Variants in DLG2 observed in about 807,000 individuals in gnomAD.
The protein encoded by DLG2 is disks large homolog 2.
Under a neutral mutation model 132.5 loss-of-function variants are expected in DLG2, and 45 were observed. The ratio of observed to expected loss-of-function variants is 0.34; its 90% CI spans 0.27 to 0.44. DLG2 has a LOEUF of 0.44. Among genes scored for constraint, DLG2 ranks in the 20% least tolerant of loss-of-function variants. The pLI is 1.00. For missense variants in DLG2, 1,045 were observed against 1,196.9 expected (o/e 0.87, Z 1.87); for synonymous variants, 424 against 419.6 (o/e 1.01, Z -0.13).
At position 84,795,952 on chromosome 11, in the gene DLG2, G is replaced by C. The variant is rs10466725; in HGVS notation, c.358-261221C>G. ...CAGCTGGTGTGCCTAGCTTTGCGCA[G>C]TGCCTGGACCCCATGCTCACTTGCT... On this transcript the variant is annotated intron_variant, in intron 6 of 27. Transcript: ENST00000376104. Among the ~76,000 whole-genome samples, 506 of 152,288 alleles carry C rather than the reference G, an allele frequency of 3.3e-3. 4 individuals carry two copies. Among genetic ancestry groups the C allele is most frequent in the African/African-American group, 0.012 (479 of 41,576 alleles).
intron 8 of DLG2, among the ~76,000 whole-genome samples, chr11:84,216,415 C>T (rs565857224): frequency 3.4e-4 from 51 of 152,102 alleles, no homozygotes; most frequent in Admixed American, 2.3e-3. Flanking sequence ...GGAGAGATCA[C>T]GGGGGGCAAA....
intron 8 of DLG2, among the ~76,000 whole-genome samples, chr11:84,230,656 A>T (rs2097079188): frequency 6.6e-6 from 1 of 152,192 alleles, no homozygotes; most frequent in Non-Finnish European, 1.5e-5. Flanking sequence ...GATCAACTCC[A>T]TATGGAAAGC....
chr11:83,902,337 T>G (rs540003607), intron 15 of DLG2, among the ~76,000 whole-genome samples: 2 of 152,200 alleles, frequency 1.3e-5, no homozygotes, highest in Admixed American at 6.5e-5. Context: ...GTTTAGAGGG[T>G]TCATTTGAAT....
intron 6 of DLG2, among the ~76,000 whole-genome samples, chr11:84,893,128 G>C (rs1601042979): frequency 6.6e-6 from 1 of 152,240 alleles, no homozygotes; most frequent in East Asian, 1.9e-4. Context: ...CTCTGGGCTG[G>C]AGCATCCGTT....
chr11:85,246,504 T>C (rs1263473019), intron 4 of DLG2, among the ~76,000 whole-genome samples: 4 of 151,796 alleles, frequency 2.6e-5, no homozygotes, highest in African/African-American at 9.7e-5. Flanking sequence ...CTGTGTTTAT[T>C]ACTGTCTCTC....
chr11:85,562,363 A>G (rs894123354), intron 3 of DLG2, among the ~76,000 whole-genome samples: 4 of 151,944 alleles, frequency 2.6e-5, no homozygotes, highest in African/African-American at 4.8e-5. Context: ...AGAGAAAATG[A>G]GAGAAGGGAA....
At chr11:84,845,689 T>A (rs2081375217) in intron 6 of DLG2, among the ~76,000 whole-genome samples, 2 of 151,430 alleles carry the variant, frequency 1.3e-5, no homozygotes, top group Non-Finnish European at 3.0e-5. Flanking sequence ...ACTCTTTTTT[T>A]TTTTTTTTTG....
At chr11:84,119,122 C>T (rs2093780180) in intron 9 of DLG2, among the ~76,000 whole-genome samples, 1 of 151,920 alleles carries the variant, frequency 6.6e-6, no homozygotes, top group South Asian at 2.1e-4. Flanking sequence ...GAAACATCTA[C>T]CATATGGCAA....
chr11:85,433,406 T>G (rs1242910014), intron 3 of DLG2, among the ~76,000 whole-genome samples: 1 of 152,178 alleles, frequency 6.6e-6, no homozygotes, highest in African/African-American at 2.4e-5. Flanking sequence ...CAGTGTTCTG[T>G]ATTCAAGAGA....
At chr11:84,747,656 T>A (rs1277829968) in intron 6 of DLG2, among the ~76,000 whole-genome samples, 1 of 152,230 alleles carries the variant, frequency 6.6e-6, no homozygotes, top group Non-Finnish European at 1.5e-5. Context: ...AGTTCATGTC[T>A]CACGAGCTGC....
At chr11:83,547,558 C>CTTAT (rs2096272704) in intron 19 of DLG2, among the ~76,000 whole-genome samples, 2 of 152,036 alleles carry the variant, frequency 1.3e-5, no homozygotes, top group South Asian at 4.1e-4. Context: ...AAATGGTGGC[C>CTTAT]TTTTACAAAC....
chr11:84,724,682 C>T (rs183789359), intron 6 of DLG2, among the ~76,000 whole-genome samples: 5 of 152,202 alleles, frequency 3.3e-5, no homozygotes, highest in East Asian at 3.9e-4. Context: ...AATGACAGGG[C>T]GAGATTAAGT....
chr11:85,215,206 GATGTT>G (rs2082502240), intron 4 of DLG2, among the ~76,000 whole-genome samples: 1 of 152,144 alleles, frequency 6.6e-6, no homozygotes. Flanking sequence ...GGAGGTGTTT[GATGTT>G]ATAAGTCCAT....
At chr11:85,434,406 T>TAAA (rs1020436408) in intron 3 of DLG2, among the ~76,000 whole-genome samples, 1 of 149,756 alleles carries the variant, frequency 6.7e-6, no homozygotes, top group African/African-American at 2.5e-5. Context: ...GAAAAAATTT[T>TAAA]AAAAAAAAAA....
At chr11:83,623,086 C>T (rs915841852) in intron 19 of DLG2, among the ~76,000 whole-genome samples, 1 of 151,996 alleles carries the variant, frequency 6.6e-6, no homozygotes, top group African/African-American at 2.4e-5. Context: ...TTTATGAGTC[C>T]GGGTGCTCCA....
chr11:84,084,335 C>T (rs1311938238), intron 10 of DLG2, among the ~76,000 whole-genome samples: 3 of 152,096 alleles, frequency 2.0e-5, no homozygotes, highest in Non-Finnish European at 4.4e-5. Flanking sequence ...CTTGGTTTTC[C>T]AGCGTTAGCT....
chr11:85,412,760 C>CACAT (rs756868795), intron 3 of DLG2, among the ~76,000 whole-genome samples: 1,390 of 113,090 alleles, frequency 0.012, 10 homozygotes, highest in African/African-American at 0.028. Context: ...CACACACACA[C>CACAT]ATATATATAT....
chr11:85,167,549 A>G (rs1270311945), intron 4 of DLG2, among the ~76,000 whole-genome samples: 1 of 152,122 alleles, frequency 6.6e-6, no homozygotes, highest in African/African-American at 2.4e-5. Context: ...GGGAAAGAAC[A>G]TCCTTGTGCT....
intron 6 of DLG2, among the ~76,000 whole-genome samples, chr11:84,682,398 T>A (rs988261102): frequency 6.6e-6 from 1 of 152,176 alleles, no homozygotes; most frequent in Non-Finnish European, 1.5e-5. Flanking sequence ...TTTGAAACAC[T>A]ACCACACAAA....
Sources: gnomAD v4.1 joint callset for allele counts (sites outside exome capture counted in the v4.1 genomes callset) on GRCh38, gnomAD v4.1.1 for gene constraint, MANE v1.5 for transcripts, NCBI Gene and HGNC (gene_info 2026-07-23, HGNC 2026-07-21) for gene names.